Variants in TMEM63B observed in about 807,000 individuals in gnomAD.
TMEM63B encodes the protein mechanosensitive cation channel TMEM63B.
Under a neutral mutation model 102.6 loss-of-function variants are expected in TMEM63B, and 23 were observed. The observed-to-expected ratio is 0.22, with a 90% CI of 0.16 to 0.32. The LOEUF is 0.32. TMEM63B is among the 10% of genes least tolerant of loss of function. The pLI, the probability that TMEM63B is intolerant of heterozygous loss-of-function variation, is 1.00. For synonymous variants in TMEM63B, 444 were observed against 437.0 expected (o/e 1.02, Z -0.20); for missense variants, 628 against 1,095.9 (o/e 0.57, Z 6.03).
At chr6:44,138,354 T>G in intron 5 of TMEM63B, 126 bp from the exon 6 acceptor site, 1 of 1,224,170 alleles carries the variant, frequency 8.2e-7, no homozygotes, top group Non-Finnish European at 1.2e-6. Context: ...TATAAGGATT[T>G]TTTTTTAGTG....
intron 9 of TMEM63B, chr6:44,140,593 G>GCC: frequency 3.2e-6 from 2 of 633,270 alleles, no homozygotes; most frequent in Non-Finnish European, 5.8e-6. Context: ...CACAGAAACA[G>GCC]CCGTGCTGTG....
intron 1 of TMEM63B, among the ~76,000 whole-genome samples, chr6:44,128,713 C>T (rs567123705): frequency 8.6e-4 from 131 of 152,348 alleles, no homozygotes; most frequent in African/African-American, 3.0e-3. Flanking sequence ...GTGCCCAACA[C>T]CTGCTGAAGA....
intron 18 of TMEM63B, 93 bp from the exon 19 acceptor site, chr6:44,151,753 T>C: frequency 1.4e-6 from 2 of 1,392,476 alleles, no homozygotes; most frequent in South Asian, 1.4e-5. Context: ...AGCATGTTGG[T>C]GGTGGAGGTG....
At position 44,150,122 on chromosome 6, in the gene TMEM63B, C is replaced by T. The variant is rs1478989064; in HGVS notation, c.1521-102C>T. On this transcript the variant is annotated intron_variant, in intron 16 of 23. Coordinates refer to ENST00000323267, the MANE Select transcript of TMEM63B (RefSeq NM_018426.3). This position sits in a 1 kb window ranked among gnomAD's most constrained non-coding sequence, Gnocchi z 4.7. ...CAGCACCCTCACCTTGGGAGGCCCA[C>T]CCTTCCCAGGGGACACTCCTTGGAC... 1 of 1,382,134 alleles carries T rather than the reference C, an allele frequency of 7.2e-7. No individual in the cohort carries two copies. The highest frequency in any genetic ancestry group is 1.4e-5 in the African/African-American group (1 of 70,368). The allele number at this position is 1,382,134 out of a possible 1,614,324, so 85.6% of individuals were successfully genotyped here.
At chr6:44,130,529 C>T (rs62401765) in intron 1 of TMEM63B, among the ~76,000 whole-genome samples, 5,946 of 150,878 alleles carry the variant, frequency 0.039, 181 homozygotes, top group Non-Finnish European at 0.063. Context: ...GCCTGGAACT[C>T]CCTGGGCTCA....
intron 11 of TMEM63B, 124 bp downstream of exon 11, chr6:44,147,051 CGTT>C: frequency 9.3e-7 from 1 of 1,074,306 alleles, no homozygotes; most frequent in Non-Finnish European, 1.4e-6. Context: ...TAATTCAACT[CGTT>C]GGTGTGCCTG....
chr6:44,133,830 G>A (rs760844353), intron 1 of TMEM63B, among the ~76,000 whole-genome samples: 6 of 152,248 alleles, frequency 3.9e-5, no homozygotes. Context: ...CAGGAGCATG[G>A]CACTCTGGGA....
At chr6:44,149,800 C>T in intron 15 of TMEM63B, 59 bp from the exon 16 acceptor site, 1 of 1,439,180 alleles carries the variant, frequency 6.9e-7, no homozygotes, top group Non-Finnish European at 9.5e-7. Flanking sequence ...GGCACATAAG[C>T]AAAGCCACCT....
intron 9 of TMEM63B, 99 bp downstream of exon 9, chr6:44,140,459 G>A: frequency 1.1e-6 from 1 of 951,120 alleles, no homozygotes; most frequent in Non-Finnish European, 1.6e-6. Context: ...TGTCAGCTAG[G>A]TTTGAATGCT....
rs781361985 is a variant in TMEM63B, at chr6:44,139,605, G to A, written c.546G>A (p.Leu182=). 1.2e-6 allele frequency: 2 copies of A among 1,614,226 alleles called. No homozygotes were observed. Among genetic ancestry groups the A allele is most frequent in the South Asian group, 2.2e-5 (2 of 91,076 alleles). Residue 182 remains leucine, a synonymous_variant, in exon 7 of 24, where the codon CTG becomes CTA. Coordinates refer to ENST00000323267, the MANE Select transcript of TMEM63B (RefSeq NM_018426.3). ...TGCCTGTCAACTTCTCAGGGGACCTGCTGGGTCAGTGAGGGCCAGGACGGC... is the reference window on the plus strand; with the variant it reads ...TGCCTGTCAACTTCTCAGGGGACCTACTGGGTCAGTGAGGGCCAGGACGGC... ...IVLPVNFSGD[L]LENNAYSFGR... is the part of the protein sequence containing the mutation.
At chr6:44,131,927 A>T (rs1778363753) in intron 1 of TMEM63B, among the ~76,000 whole-genome samples, 1 of 152,228 alleles carries the variant, frequency 6.6e-6, no homozygotes. Flanking sequence ...GAGTGGAAGA[A>T]CTGCCACCTC....
Position 44,150,746 on chromosome 6 carries a change from A to G in TMEM63B, c.1673+117A>G. The stretch of plus-strand genomic sequence containing the variant: ...AGCTTCCAACTCCTGGAGGGGGCAG[A>G]AGAGAGAGGATCTGGCGGGGTTACC... On this transcript the variant is annotated intron_variant, in intron 18 of 23. Transcript: ENST00000323267. This position sits in a 1 kb window ranked among gnomAD's most constrained non-coding sequence, Gnocchi z 4.7. 9.1e-7 allele frequency: 1 copy of G among 1,096,718 alleles called. No individual in the cohort carries two copies. The highest frequency in any genetic ancestry group is 1.3e-5 in the South Asian group (1 of 74,218). The allele number at this position is 1,096,718 out of a possible 1,614,324, so 67.9% of individuals were successfully genotyped here.
intron 10 of TMEM63B, among the ~76,000 whole-genome samples, chr6:44,145,874 G>T (rs1765283135): frequency 6.6e-6 from 1 of 152,210 alleles, no homozygotes; most frequent in Non-Finnish European, 1.5e-5. Flanking sequence ...GTCAGTGCCA[G>T]TTTCTCTCTG....
rs538159362 is a variant in TMEM63B, at chr6:44,148,469, T to C, written c.1122-44T>C. ...TGCTCATGGCCTTCTGCCAGCAGTGTGGCCTCCAGGTGGGCCTGTGGTAAC... is the reference window on the plus strand; with the variant it reads ...TGCTCATGGCCTTCTGCCAGCAGTGCGGCCTCCAGGTGGGCCTGTGGTAAC... On this transcript the variant is annotated intron_variant, in intron 13 of 23. Coordinates refer to ENST00000323267, the MANE Select transcript of TMEM63B (RefSeq NM_018426.3). This position sits in a 1 kb window ranked among gnomAD's most constrained non-coding sequence, Gnocchi z 5.1. 13 of 1,612,652 alleles carry C rather than the reference T, an allele frequency of 8.1e-6. No homozygotes were observed. In the East Asian group the frequency reaches 1.1e-4, roughly 14 times the overall value.
Position 44,150,417 on chromosome 6 carries a change from TG to T in TMEM63B, c.1607+110del. 1 of 1,451,912 alleles carries T rather than the reference TG, an allele frequency of 6.9e-7. No homozygotes were observed. Among genetic ancestry groups the T allele is most frequent in the East Asian group, 2.3e-5 (1 of 43,988 alleles). The allele number at this position is 1,451,912 out of a possible 1,614,324, so 89.9% of individuals were successfully genotyped here. Reference sequence around the variant, plus strand: ...CCCCTACAAAGCAAGGGGCCCAAGATGGGAAGCCTGGCCACCCCCAGGCCTC... The same window carrying T: ...CCCCTACAAAGCAAGGGGCCCAAGATGGAAGCCTGGCCACCCCCAGGCCTC... On this transcript the variant is annotated intron_variant, in intron 17 of 23. Coordinates refer to ENST00000323267, the MANE Select transcript of TMEM63B (RefSeq NM_018426.3). This position sits in a 1 kb window ranked among gnomAD's most constrained non-coding sequence, Gnocchi z 4.7.
At chr6:44,146,598 G>A (rs577584847) in intron 10 of TMEM63B, among the ~76,000 whole-genome samples, 1 of 151,888 alleles carries the variant, frequency 6.6e-6, no homozygotes, top group South Asian at 2.1e-4. Context: ...CTACAGGCAC[G>A]TGCCACCATG....
At chr6:44,140,753 C>G (rs1764069893) in intron 9 of TMEM63B, among the ~76,000 whole-genome samples, 1 of 152,128 alleles carries the variant, frequency 6.6e-6, no homozygotes, top group Non-Finnish European at 1.5e-5. Context: ...AAGTAGTACC[C>G]CCTTCTGCCT....
intron 4 of TMEM63B, 22 bp from the exon 5 acceptor site, chr6:44,136,327 C>T (rs1375821300): frequency 3.7e-6 from 6 of 1,610,122 alleles, no homozygotes; most frequent in African/African-American, 1.3e-5. Context: ...GCTCTCTGAT[C>T]TCTCATCTCC....
intron 5 of TMEM63B, among the ~76,000 whole-genome samples, chr6:44,136,760 AAAT>A (rs1763045090): frequency 6.6e-6 from 1 of 152,212 alleles, no homozygotes; most frequent in Admixed American, 6.5e-5. Flanking sequence ...ATGGTTTTAG[AAAT>A]AATAATAAGC....
Sources: allele counts gnomAD v4.1 joint callset (sites outside exome capture counted in the v4.1 genomes callset), GRCh38; gene constraint gnomAD v4.1.1; non-coding constraint Gnocchi (gnomAD v3.1); transcripts MANE v1.5; gene names NCBI Gene and HGNC (gene_info 2026-07-23, HGNC 2026-07-21).